NEBL: variants seen among roughly 807,000 people sequenced by gnomAD.
The protein encoded by NEBL is LIM and SH3 protein 2.
A neutral mutation model predicts 140.2 loss-of-function variants in NEBL; 122 were observed. The ratio of observed to expected loss-of-function variants is 0.87; its 90% CI spans 0.75 to 1.01. NEBL has a LOEUF of 1.01. Ranked by LOEUF, NEBL falls within the 50% of genes least tolerant of loss-of-function variation. The probability of loss-of-function intolerance (pLI) is 0.00; values close to 1 mark genes in which losing one functional copy is unlikely to be tolerated. For missense variants in NEBL, 1,365 were observed against 1,231.3 expected, an observed-to-expected ratio of 1.11 and a Z score of -1.62; for synonymous variants, 436 against 398.9, an observed-to-expected ratio of 1.09 and a Z score of -1.11.
chr10:20,995,302 G>A (rs1376689181), intron 3 of NEBL, among the ~76,000 whole-genome samples: 5 of 152,150 alleles, frequency 3.3e-5, no homozygotes, highest in Non-Finnish European at 7.3e-5. Flanking sequence ...CTGGGGGTGG[G>A]GACAGCAGCT....
intron 8 of NEBL, among the ~76,000 whole-genome samples, chr10:20,859,258 C>G (rs1843414393): frequency 6.6e-6 from 1 of 151,976 alleles, no homozygotes; most frequent in Admixed American, 6.6e-5. Context: ...AAGTACTTCA[C>G]AGCATTTTCA....
At chr10:20,840,149 A>C (rs1028973394) in intron 13 of NEBL, among the ~76,000 whole-genome samples, 1 of 152,080 alleles carries the variant, frequency 6.6e-6, no homozygotes, top group African/African-American at 2.4e-5. Context: ...TATGGGGACA[A>C]GGCTTTAAGC....
At chr10:20,861,430 T>C (rs1843693157) in intron 7 of NEBL, among the ~76,000 whole-genome samples, 1 of 152,150 alleles carries the variant, frequency 6.6e-6, no homozygotes, top group South Asian at 2.1e-4. Context: ...TGACCCACCT[T>C]GGCCTCCCAA....
intron 4 of NEBL, among the ~76,000 whole-genome samples, chr10:20,909,150 C>A (rs201799790): frequency 1.3e-5 from 2 of 151,842 alleles, no homozygotes; most frequent in Admixed American, 6.6e-5. Context: ...GAGTTACAAA[C>A]ATCCAACTAC....
At chr10:21,207,670 G>T (rs1268294023) in intron 3 of NEBL, among the ~76,000 whole-genome samples, 2 of 152,046 alleles carry the variant, frequency 1.3e-5, no homozygotes, top group Non-Finnish European at 2.9e-5. Flanking sequence ...CAGGGGAAGG[G>T]TAAATCCAGG....
chr10:21,206,968 C>CTTTTTTTTTTTTTTT (rs1028716031), intron 3 of NEBL, among the ~76,000 whole-genome samples: 20 of 99,090 alleles, frequency 2.0e-4, no homozygotes, highest in South Asian at 3.4e-4. Context: ...CTTTTTCTTT[C>CTTTTTTTTTTTTTTT]TTTTTTTTTT....
chr10:20,890,678 G>T (rs1846955482), intron 2 of NEBL, among the ~76,000 whole-genome samples: 1 of 152,220 alleles, frequency 6.6e-6, no homozygotes, highest in Non-Finnish European at 1.5e-5. Flanking sequence ...TCTCTTCTCT[G>T]CAACTCACAA....
chr10:20,809,894 G>A lies in NEBL; in HGVS notation c.2523C>T (p.Leu841=), dbSNP rs138206930. 1 of 1,597,888 alleles carries A rather than the reference G, an allele frequency of 6.3e-7. No homozygotes were observed. Among genetic ancestry groups the A allele is most frequent in the Admixed American group, 1.7e-5 (1 of 59,222 alleles). Residue 841 remains leucine (L), a synonymous_variant, in exon 25 of 28, where the codon CTC becomes CTT. Coordinates refer to ENST00000377122, the MANE Select transcript of NEBL (RefSeq NM_006393.3). ...MDRRPGIIVD[L]KVWRTDPGSI... ...AGCCAGGATCTGTGCGCCAAACTTT[G>A]AGGTCTTTTGCCAAAAGGAAGAAAT...
At chr10:20,997,975 A>T (rs1217140664) in intron 3 of NEBL, among the ~76,000 whole-genome samples, 1 of 152,230 alleles carries the variant, frequency 6.6e-6, no homozygotes, top group East Asian at 1.9e-4. Context: ...ACATTCAGGA[A>T]TGATGAAAAT....
intron 1 of NEBL, among the ~76,000 whole-genome samples, chr10:21,283,140 A>G (rs1843013348): frequency 6.6e-6 from 1 of 151,176 alleles, no homozygotes; most frequent in African/African-American, 2.4e-5. Context: ...TGTCTCAAAA[A>G]AAAAAAAAAA....
At chr10:21,182,922 C>T (rs578146881) in intron 3 of NEBL, among the ~76,000 whole-genome samples, 164 of 152,284 alleles carry the variant, frequency 1.1e-3, no homozygotes, top group African/African-American at 3.5e-3. Context: ...ATATTTATAG[C>T]GCCTCTCAAA....
intron 4 of NEBL, among the ~76,000 whole-genome samples, chr10:20,882,259 G>A (rs1327610927): frequency 6.7e-6 from 1 of 148,808 alleles, no homozygotes; most frequent in Non-Finnish European, 1.5e-5. Context: ...GGAAAAGAGA[G>A]GAGGAAAGGA....
chr10:21,244,112 C>T (rs1842481934), intron 3 of NEBL, among the ~76,000 whole-genome samples: 1 of 152,094 alleles, frequency 6.6e-6, no homozygotes, highest in Admixed American at 6.6e-5. Context: ...CATCTCACCC[C>T]TTTCAATCTT....
At chr10:21,076,159 C>T (rs570081783) in intron 2 of NEBL, among the ~76,000 whole-genome samples, 76 of 151,980 alleles carry the variant, frequency 5.0e-4, no homozygotes, top group African/African-American at 1.8e-3. Flanking sequence ...CATAGAATTA[C>T]CAACCAGGCA....
chr10:21,030,526 G>T, intron 2 of NEBL: 1 of 802,802 alleles, frequency 1.2e-6, no homozygotes, highest in Non-Finnish European at 2.1e-6. Flanking sequence ...GGTGAAGTGA[G>T]GTTCTAACCC....
intron 11 of NEBL, among the ~76,000 whole-genome samples, chr10:20,846,524 A>G (rs901810825): frequency 2.6e-5 from 4 of 152,206 alleles, no homozygotes; most frequent in African/African-American, 9.6e-5. Context: ...ATGTTCTGAA[A>G]GTCTAACAAA....
At chr10:21,085,241 G>A (rs1399949314) in intron 2 of NEBL, among the ~76,000 whole-genome samples, 2 of 152,158 alleles carry the variant, frequency 1.3e-5, no homozygotes, top group African/African-American at 4.8e-5. Context: ...GCCCTTCTGA[G>A]ATTTTACTAA....
chr10:21,224,482 G>A (rs1307755153), intron 3 of NEBL, among the ~76,000 whole-genome samples: 1 of 152,068 alleles, frequency 6.6e-6, no homozygotes, highest in South Asian at 2.1e-4. Context: ...GCTCAGGATA[G>A]TTTTGGCTAT....
chr10:21,200,664 A>G (rs1312494129), intron 3 of NEBL, among the ~76,000 whole-genome samples: 1 of 152,196 alleles, frequency 6.6e-6, no homozygotes, highest in Non-Finnish European at 1.5e-5. Context: ...GCAAGGTGGT[A>G]TTCAAAATAC....
Sources: gnomAD v4.1 joint callset for allele counts (sites outside exome capture counted in the v4.1 genomes callset) on GRCh38, gnomAD v4.1.1 for gene constraint, MANE v1.5 for transcripts, NCBI Gene and HGNC (gene_info 2026-07-23, HGNC 2026-07-21) for gene names.